The following VIPR2 variants were observed in gnomAD, a reference collection of about 807,000 sequenced individuals.
VIPR2 encodes the protein vasoactive intestinal peptide receptor 2.
Under a neutral mutation model 58.0 loss-of-function variants are expected in VIPR2, and 48 were observed. The ratio of observed to expected loss-of-function variants is 0.83; its 90% CI spans 0.66 to 1.05. VIPR2 has a LOEUF of 1.05. Among genes scored for constraint, VIPR2 ranks in the 50% least tolerant of loss-of-function variants. The pLI is 0.00. For synonymous variants in VIPR2, 243 were observed against 235.2 expected (o/e 1.03, Z -0.30); for missense variants, 534 against 558.0 (o/e 0.96, Z 0.43).
chr7:159,109,811 C>T lies in VIPR2; in HGVS notation c.259+1G>A, dbSNP rs780111732. On this transcript the variant is annotated splice_donor_variant, in intron 3 of 12. Coordinates refer to ENST00000262178, the MANE Select transcript of VIPR2 (RefSeq NM_003382.5). LOFTEE classifies it high-confidence loss of function. ...TCAGGAACTCAACCGACGGACAGTA[C>T]CTGCTTTGCTGTAAAAATTGCTGAA... The T allele has an allele frequency of 9.9e-6, 16 of 1,614,132 alleles. No homozygotes were observed. Among genetic ancestry groups the T allele is most frequent in the Middle Eastern group, 1.6e-4 (1 of 6,062 alleles).
At chr7:159,141,591 T>A (rs1447429691) in intron 2 of VIPR2, among the ~76,000 whole-genome samples, 1 of 152,228 alleles carries the variant, frequency 6.6e-6, no homozygotes, top group Non-Finnish European at 1.5e-5. Context: ...TAACTTCAGG[T>A]TGATTATACG....
chr7:159,038,393 G>A (rs1315826336), intron 6 of VIPR2, among the ~76,000 whole-genome samples: 1 of 152,110 alleles, frequency 6.6e-6, no homozygotes, highest in Non-Finnish European at 1.5e-5. Flanking sequence ...GTGCCTGCAC[G>A]CGGATCTCGT....
Position 159,098,707 on chromosome 7 carries a change from A to C in VIPR2, c.357+5050T>G, listed in dbSNP as rs1858012634. 6.6e-6 allele frequency among the ~76,000 whole-genome samples: 1 copy of C among 152,110 alleles called. No homozygotes were observed. The highest frequency in any genetic ancestry group is 6.5e-5 in the Admixed American group (1 of 15,278). ...CACCCACATCTCTGCTGATTCCCTCACACATGTAGCCAAGTCTGTGGCTTC... is the reference window on the plus strand; with the variant it reads ...CACCCACATCTCTGCTGATTCCCTCCCACATGTAGCCAAGTCTGTGGCTTC... On this transcript the variant is annotated intron_variant, in intron 4 of 12. Transcript: ENST00000262178. The surrounding 1 kb of genome is among the most constrained non-coding windows in gnomAD (Gnocchi z 5.2).
In VIPR2 at chr7:159,093,850, C is replaced by A. The variant is rs980514419; in HGVS notation, c.357+9907G>T. Among the ~76,000 whole-genome samples the A allele has an allele frequency of 3.9e-5, 6 of 152,164 alleles. No individual in the cohort carries two copies. Among genetic ancestry groups the A allele is most frequent in the African/African-American group, 1.2e-4 (5 of 41,446 alleles). ...GACATGGGAGAGGCCCCGCAGTGTC[C>A]CTGAGTCTCCTGGACAGCGGCCACC... On this transcript the variant is annotated intron_variant, in intron 4 of 12. Transcript: ENST00000262178. This position sits in a 1 kb window ranked among gnomAD's most constrained non-coding sequence, Gnocchi z 6.7.
At chr7:159,144,201 A>AGCT in intron 1 of VIPR2, 1 of 1,185,768 alleles carries the variant, frequency 8.4e-7, no homozygotes, top group African/African-American at 1.6e-5. Flanking sequence ...CAAACTTATG[A>AGCT]GCAGTTAGTT....
At chr7:159,050,173 C>T (rs185561514) in intron 5 of VIPR2, among the ~76,000 whole-genome samples, 32 of 152,004 alleles carry the variant, frequency 2.1e-4, no homozygotes, top group Admixed American at 1.9e-3. Flanking sequence ...CCCGTCTCCA[C>T]TAAAAATACA....
Position 159,030,500 on chromosome 7 carries a change from C to G in VIPR2, c.*116G>C. On this transcript the variant is annotated 3_prime_UTR_variant, in exon 13 of 13. Transcript: ENST00000262178. ...ACAACCAGCTTGACGGAGTCAGGAC[C>G]GCGCTGACCTGCCCGACACGGTGCT... The G allele has an allele frequency of 7.5e-7, 1 of 1,330,594 alleles. No homozygotes were observed. Among genetic ancestry groups the G allele is most frequent in the Non-Finnish European group, 1.0e-6 (1 of 1,004,916 alleles). The allele number at this position is 1,330,594 out of a possible 1,614,324, so 82.4% of individuals were successfully genotyped here.
At chr7:159,138,007 G>A (rs1229389231) in intron 2 of VIPR2, among the ~76,000 whole-genome samples, 1 of 152,234 alleles carries the variant, frequency 6.6e-6, no homozygotes, top group Non-Finnish European at 1.5e-5. Context: ...AGACCTTCTG[G>A]AGCATAACAC....
chr7:159,076,876 AC>A (rs1856662196), intron 4 of VIPR2, among the ~76,000 whole-genome samples: 1 of 152,212 alleles, frequency 6.6e-6, no homozygotes, highest in African/African-American at 2.4e-5. Context: ...CAGACATACA[AC>A]TTTTATTACT....
chr7:159,105,449 GGA>G (rs1446833921), intron 3 of VIPR2, among the ~76,000 whole-genome samples: 2 of 152,228 alleles, frequency 1.3e-5, no homozygotes, highest in African/African-American at 4.8e-5. Context: ...TTACAGAAGG[GGA>G]AAACAAGGCT....
intron 2 of VIPR2, among the ~76,000 whole-genome samples, chr7:159,131,622 G>C (rs544731703): frequency 8.5e-5 from 13 of 152,338 alleles, no homozygotes; most frequent in African/African-American, 3.1e-4. Flanking sequence ...GACCTCTTCA[G>C]AAAAGATAGT....
intron 2 of VIPR2, 133 bp from the exon 3 acceptor site, chr7:159,110,052 A>G: frequency 1.3e-6 from 1 of 770,204 alleles, no homozygotes; most frequent in Non-Finnish European, 2.1e-6. Flanking sequence ...AATTATTGAG[A>G]CTATAGTTAG....
chr7:159,107,845 T>C (rs6945917), intron 3 of VIPR2, among the ~76,000 whole-genome samples: 6,782 of 152,288 alleles, frequency 0.045, 499 homozygotes, highest in African/African-American at 0.15. Context: ...AGGGCGCCAG[T>C]GTGCTGGTCA....
chr7:159,128,457 C>A lies in VIPR2; in HGVS notation c.151+13989G>T, dbSNP rs867767210. Reference sequence around the variant, plus strand: ...TGTAAAAACCTCTGGGCCCCCCTGGCCACTCCCCTCCTGCCTTGGGCCTCC... The same window carrying A: ...TGTAAAAACCTCTGGGCCCCCCTGGACACTCCCCTCCTGCCTTGGGCCTCC... On this transcript the variant is annotated intron_variant, in intron 2 of 12. Coordinates refer to ENST00000262178, the MANE Select transcript of VIPR2 (RefSeq NM_003382.5). This position sits in a 1 kb window ranked among gnomAD's most constrained non-coding sequence, Gnocchi z 4.1. 6.6e-6 allele frequency among the ~76,000 whole-genome samples: 1 copy of A among 152,180 alleles called. No individual in the cohort carries two copies. Among genetic ancestry groups the A allele is most frequent in the South Asian group, 2.1e-4 (1 of 4,830 alleles).
chr7:159,059,622 G>A (rs1252806024), intron 4 of VIPR2, among the ~76,000 whole-genome samples: 1 of 152,092 alleles, frequency 6.6e-6, no homozygotes, highest in Non-Finnish European at 1.5e-5. Context: ...TGCTTACTTA[G>A]GACAGCTCAG....
At chr7:159,050,195 G>T (rs1291437029) in intron 5 of VIPR2, among the ~76,000 whole-genome samples, 1 of 151,858 alleles carries the variant, frequency 6.6e-6, no homozygotes, top group African/African-American at 2.4e-5. Context: ...AAATTAGCTG[G>T]GCATGGTGGT....
chr7:159,075,516 C>A (rs1856590476), intron 4 of VIPR2, among the ~76,000 whole-genome samples: 1 of 152,188 alleles, frequency 6.6e-6, no homozygotes, highest in Non-Finnish European at 1.5e-5. Flanking sequence ...GAGTGGGAAC[C>A]AAAGAAGACC....
chr7:159,104,624 TCTCCCTCCTCCCGACAGCACC>T (rs1390189795), intron 3 of VIPR2, among the ~76,000 whole-genome samples: 3 of 76,136 alleles, frequency 3.9e-5, no homozygotes, highest in Admixed American at 2.8e-4. Flanking sequence ...CTGGCAGCAC[TCTCCCTCCTCCCGACAGCACC>T]CTCCCTCCTC....
intron 4 of VIPR2, among the ~76,000 whole-genome samples, chr7:159,070,272 G>A (rs1856312042): frequency 6.6e-6 from 1 of 152,160 alleles, no homozygotes; most frequent in Non-Finnish European, 1.5e-5. Flanking sequence ...ATCCAGGGCT[G>A]CACGGAGGAC....
Sources: gnomAD v4.1 joint callset for allele counts (sites outside exome capture counted in the v4.1 genomes callset) on GRCh38, gnomAD v4.1.1 for gene constraint, Gnocchi (gnomAD v3.1) non-coding constraint, MANE v1.5 for transcripts, NCBI Gene and HGNC (gene_info 2026-07-23, HGNC 2026-07-21) for gene names.